Variants in RNF150 observed in about 807,000 individuals in gnomAD.
The protein encoded by RNF150 is ring finger protein 150.
A neutral mutation model predicts 39.3 loss-of-function variants in RNF150; 24 were observed. The ratio of observed to expected loss-of-function variants is 0.61; its 90% CI spans 0.44 to 0.86. The LOEUF (loss-of-function observed/expected upper bound fraction) is 0.86. Among genes scored for constraint, RNF150 ranks in the 40% least tolerant of loss-of-function variants. The pLI is 0.00. For synonymous variants in RNF150, 255 were observed against 227.3 expected (o/e 1.12, Z -1.10); for missense variants, 502 against 587.8 (o/e 0.85, Z 1.51).
At chr4:140,911,502 T>C (rs894065856) in intron 5 of RNF150, 148 bp from the exon 6 acceptor site, 4 of 579,902 alleles carry the variant, frequency 6.9e-6, no homozygotes, top group African/African-American at 1.9e-5. Context: ...ATTCTATATA[T>C]AGTTTCTATA....
Position 141,060,366 on chromosome 4 carries a change from A to G in RNF150, c.484+71959T>C, listed in dbSNP as rs559096897. 6.8e-4 allele frequency among the ~76,000 whole-genome samples: 104 copies of G among 152,294 alleles called. 2 individuals are homozygous for G. The highest frequency in any genetic ancestry group is 2.4e-3 in the African/African-American group (98 of 41,562). On this transcript the variant is annotated intron_variant, in intron 1 of 6. Coordinates refer to ENST00000515673, the MANE Select transcript of RNF150 (RefSeq NM_020724.2). Reference sequence around the variant, plus strand: ...TCAGGCGGGAGGACTGGTTGAGCCCAGGAGGTTGAGGTTGCACTGAGCCAT... The same window carrying G: ...TCAGGCGGGAGGACTGGTTGAGCCCGGGAGGTTGAGGTTGCACTGAGCCAT...
intron 1 of RNF150, among the ~76,000 whole-genome samples, chr4:141,209,977 C>T (rs905773753): frequency 6.6e-6 from 1 of 152,048 alleles, no homozygotes; most frequent in African/African-American, 2.4e-5. Context: ...GTCTTACCCA[C>T]ATCAATAAGG....
intron 1 of RNF150, among the ~76,000 whole-genome samples, chr4:140,990,515 CTA>C (rs1734157632): frequency 6.6e-6 from 1 of 152,176 alleles, no homozygotes; most frequent in African/African-American, 2.4e-5. Context: ...ACTGACAGGC[CTA>C]GTGTGTGTTG....
intron 1 of RNF150, among the ~76,000 whole-genome samples, chr4:141,120,689 A>T (rs1375878775): frequency 2.0e-5 from 3 of 152,164 alleles, no homozygotes; most frequent in Non-Finnish European, 2.9e-5. Context: ...GACCAGCAAG[A>T]AGACATGATG....
chr4:141,201,226 A>G (rs1728285556), intron 1 of RNF150, among the ~76,000 whole-genome samples: 1 of 152,194 alleles, frequency 6.6e-6, no homozygotes, highest in Non-Finnish European at 1.5e-5. Flanking sequence ...TCTGGCCCAA[A>G]TTGATATACA....
rs189023860 is a variant in RNF150, at chr4:140,963,817, T to A, written c.735+3806A>T. Among the ~76,000 whole-genome samples, 334 of 152,164 alleles carry A rather than the reference T, an allele frequency of 2.2e-3. 2 individuals are homozygous for A. Among genetic ancestry groups the A allele is most frequent in the Non-Finnish European group, 3.6e-3 (243 of 67,972 alleles). On this transcript the variant is annotated intron_variant, in intron 2 of 6. Coordinates refer to ENST00000515673, the MANE Select transcript of RNF150 (RefSeq NM_020724.2). ...TAGACTATGGCCATTGGAAAGACATTGGTTAAAATCAAACATCCATTCTTG... is the reference window on the plus strand; with the variant it reads ...TAGACTATGGCCATTGGAAAGACATAGGTTAAAATCAAACATCCATTCTTG...
intron 1 of RNF150, among the ~76,000 whole-genome samples, chr4:141,176,539 C>A (rs1200431912): frequency 6.6e-6 from 1 of 152,080 alleles, no homozygotes; most frequent in East Asian, 1.9e-4. Flanking sequence ...AAGCACAAAG[C>A]AGGTAAAAAT....
At chr4:140,873,416 C>G (rs944814812) in intron 6 of RNF150, among the ~76,000 whole-genome samples, 1 of 152,054 alleles carries the variant, frequency 6.6e-6, no homozygotes, top group Non-Finnish European at 1.5e-5. Flanking sequence ...GGTAATCCCC[C>G]CAAAGAGCCT....
chr4:141,090,375 G>T (rs1036335104), intron 1 of RNF150, among the ~76,000 whole-genome samples: 1 of 152,084 alleles, frequency 6.6e-6, no homozygotes, highest in Non-Finnish European at 1.5e-5. Flanking sequence ...ACTAAATCAG[G>T]ATATAAAAAG....
intron 6 of RNF150, among the ~76,000 whole-genome samples, chr4:140,890,064 A>G (rs1436431011): frequency 6.6e-6 from 1 of 152,176 alleles, no homozygotes; most frequent in Non-Finnish European, 1.5e-5. Context: ...TCATATCCCC[A>G]ACACAGCAAC....
At chr4:140,878,171 T>TG (rs201417908) in intron 6 of RNF150, among the ~76,000 whole-genome samples, 3,782 of 146,864 alleles carry the variant, frequency 0.026, 120 homozygotes, top group African/African-American at 0.076. Flanking sequence ...TGTGTTTTTT[T>TG]TTTTTTTTTT....
chr4:140,986,478 C>CAT lies in RNF150; in HGVS notation c.485-18606_485-18605insAT, dbSNP rs150120743. 4.5e-3 allele frequency among the ~76,000 whole-genome samples: 682 copies of CAT among 152,168 alleles called. 5 individuals carry two copies. The highest frequency in any genetic ancestry group is 0.016 in the African/African-American group (651 of 41,544). ...AAACTTTCCATCATTGCAAAGCTCA[C>CAT]GTTTGAACCAGCAGCTCTCAGATGC... On this transcript the variant is annotated intron_variant, in intron 1 of 6. Coordinates refer to ENST00000515673, the MANE Select transcript of RNF150 (RefSeq NM_020724.2).
At chr4:140,911,787 T>C (rs1005525137) in intron 5 of RNF150, among the ~76,000 whole-genome samples, 1 of 152,142 alleles carries the variant, frequency 6.6e-6, no homozygotes, top group African/African-American at 2.4e-5. Context: ...AATATACTAA[T>C]GATATGAGAG....
At chr4:141,091,194 C>G (rs1738567156) in intron 1 of RNF150, among the ~76,000 whole-genome samples, 1 of 152,200 alleles carries the variant, frequency 6.6e-6, no homozygotes, top group Non-Finnish European at 1.5e-5. Flanking sequence ...TCTGGAAGGT[C>G]TAGCTTTCTT....
intron 1 of RNF150, among the ~76,000 whole-genome samples, chr4:141,087,831 CT>C (rs955315184): frequency 5.6e-4 from 84 of 148,832 alleles, no homozygotes; most frequent in Non-Finnish European, 7.3e-4. Flanking sequence ...GTTTCATGGA[CT>C]TTTTTTTTTA....
intron 6 of RNF150, 97 bp from the exon 7 acceptor site, chr4:140,868,476 G>T: frequency 2.7e-6 from 2 of 742,300 alleles, no homozygotes; most frequent in Non-Finnish European, 2.3e-6. Flanking sequence ...TTCTTTAAAG[G>T]CCAAGAGAAG....
intron 1 of RNF150, among the ~76,000 whole-genome samples, chr4:141,071,053 T>TA (rs1051332946): frequency 8.0e-6 from 1 of 125,674 alleles, no homozygotes; most frequent in Non-Finnish European, 1.7e-5. Flanking sequence ...TATGCAGCCA[T>TA]AAAAAATGAT....
At chr4:141,202,591 G>A (rs1728307941) in intron 1 of RNF150, among the ~76,000 whole-genome samples, 1 of 151,840 alleles carries the variant, frequency 6.6e-6, no homozygotes, top group Non-Finnish European at 1.5e-5. Context: ...ATACTCTAAT[G>A]TAAAATAGTC....
chr4:140,963,615 G>A (rs548230515), intron 2 of RNF150, among the ~76,000 whole-genome samples: 3 of 152,080 alleles, frequency 2.0e-5, no homozygotes, highest in Admixed American at 6.6e-5. Flanking sequence ...TAATAAAAAT[G>A]TAAACTATGA....
Sources: allele counts gnomAD v4.1 joint callset (sites outside exome capture counted in the v4.1 genomes callset), GRCh38; gene constraint gnomAD v4.1.1; transcripts MANE v1.5; gene names NCBI Gene and HGNC (gene_info 2026-07-23, HGNC 2026-07-21).